Variants in IQCK observed in about 807,000 individuals in gnomAD.
IQCK encodes IQ motif containing K.
A neutral mutation model predicts 28.1 loss-of-function variants in IQCK; 29 were observed. The ratio of observed to expected loss-of-function variants is 1.03; its 90% CI spans 0.77 to 1.41. The LOEUF is 1.41. Among genes scored for constraint, IQCK ranks in the 40% most tolerant of loss-of-function variants. The probability of loss-of-function intolerance (pLI) is 0.00; values close to 1 mark genes in which losing one functional copy is unlikely to be tolerated. For synonymous variants in IQCK, 113 were observed against 115.1 expected (o/e 0.98, Z 0.12); for missense variants, 359 against 314.7 (o/e 1.14, Z -1.07).
At chr16:19,772,972 C>T (rs991750988) in intron 6 of IQCK, among the ~76,000 whole-genome samples, 1 of 152,058 alleles carries the variant, frequency 6.6e-6, no homozygotes, top group South Asian at 2.1e-4. Context: ...CGCTGCAATC[C>T]AGCCTGGGTG....
intron 1 of IQCK, 89 bp downstream of exon 1, chr16:19,718,576 C>T: frequency 8.0e-7 from 1 of 1,249,536 alleles, no homozygotes; most frequent in Admixed American, 4.1e-5. Context: ...CGCCTGTCGG[C>T]TGACGGGCGG....
intron 4 of IQCK, among the ~76,000 whole-genome samples, chr16:19,758,699 G>A (rs1020587041): frequency 2.0e-5 from 3 of 152,186 alleles, no homozygotes; most frequent in African/African-American, 7.2e-5. Flanking sequence ...GGGCAGATTA[G>A]AGGACCCCAT....
chr16:19,849,351 C>T (rs1488261339), intron 9 of IQCK, among the ~76,000 whole-genome samples: 1 of 150,970 alleles, frequency 6.6e-6, no homozygotes, highest in East Asian at 1.9e-4. Context: ...TAATTTTCTA[C>T]AGGGCAGTTA....
chr16:19,773,138 A>G (rs1427775070), intron 6 of IQCK, among the ~76,000 whole-genome samples: 2 of 152,172 alleles, frequency 1.3e-5, no homozygotes, highest in Non-Finnish European at 2.9e-5. Flanking sequence ...GCTGGGGGCC[A>G]TTCCCTACTG....
intron 6 of IQCK, among the ~76,000 whole-genome samples, chr16:19,764,780 T>G (rs985678858): frequency 6.8e-6 from 1 of 147,554 alleles, no homozygotes; most frequent in Non-Finnish European, 1.5e-5. Flanking sequence ...AAGCTCCACC[T>G]CCCGGGTTCA....
In IQCK at chr16:19,734,585, C is replaced by G. The variant is rs1391564242; in HGVS notation, c.376+758C>G. ...CGGAGGTTGCAGTGAGCTGAGATCG[C>G]ACCACTGCGTTCCAGCCTGGGTGAC... On this transcript the variant is annotated intron_variant, in intron 3 of 7. Transcript: ENST00000564186. Among the ~76,000 whole-genome samples the G allele has an allele frequency of 2.6e-5, 4 of 151,062 alleles. No homozygotes were observed. In the East Asian group the frequency reaches 7.8e-4, roughly 29 times the overall value.
chr16:19,832,390 T>G (rs1339828975), intron 9 of IQCK, among the ~76,000 whole-genome samples: 2 of 147,904 alleles, frequency 1.4e-5, no homozygotes, highest in South Asian at 4.3e-4. Flanking sequence ...CTTGGAGAGA[T>G]TGATCTGTCA....
chr16:19,725,546 G>T (rs778848498), intron 1 of IQCK, among the ~76,000 whole-genome samples: 6 of 152,158 alleles, frequency 3.9e-5, no homozygotes, highest in Non-Finnish European at 7.4e-5. Flanking sequence ...GAGCAGATAA[G>T]CACACTTTTC....
chr16:19,742,948 C>G (rs2151691741), intron 4 of IQCK, among the ~76,000 whole-genome samples: 1 of 152,234 alleles, frequency 6.6e-6, no homozygotes, highest in South Asian at 2.1e-4. Flanking sequence ...GCGGGTAGAT[C>G]ACTTGAGGTC....
At chr16:19,748,336 A>G (rs2054941397) in intron 4 of IQCK, among the ~76,000 whole-genome samples, 1 of 152,000 alleles carries the variant, frequency 6.6e-6, no homozygotes, top group African/African-American at 2.4e-5. Flanking sequence ...CTGCCTCCCA[A>G]AGTGCTGGAA....
intron 4 of IQCK, among the ~76,000 whole-genome samples, chr16:19,755,248 C>T (rs1460405874): frequency 6.6e-6 from 1 of 152,126 alleles, no homozygotes; most frequent in Non-Finnish European, 1.5e-5. Flanking sequence ...TTCTTTGTCC[C>T]TATTTTATCC....
intron 4 of IQCK, among the ~76,000 whole-genome samples, chr16:19,740,674 A>C (rs993085625): frequency 6.6e-6 from 1 of 152,190 alleles, no homozygotes; most frequent in East Asian, 1.9e-4. Flanking sequence ...GTTTTCATAC[A>C]TGTAAAGAAT....
exon 3 of IQCK, chr16:19,733,759 C>T (rs763194465): frequency 1.2e-6 from 2 of 1,614,162 alleles, no homozygotes; most frequent in South Asian, 1.1e-5. Context: ...TTTCCGGTTT[C>T]CCATTTCACC....
intron 9 of IQCK, 48 bp from the exon 9 acceptor site, chr16:19,856,439 G>A: frequency 6.6e-7 from 1 of 1,518,404 alleles, no homozygotes; most frequent in Non-Finnish European, 9.1e-7. Flanking sequence ...TGACAAGCCT[G>A]TCTACGTATG....
chr16:19,718,966 T>C (rs1023169374), intron 1 of IQCK, among the ~76,000 whole-genome samples: 37 of 152,188 alleles, frequency 2.4e-4, no homozygotes, highest in African/African-American at 8.9e-4. Flanking sequence ...GTAACCATGG[T>C]GTGGACAAAC....
At chr16:19,754,722 T>G (rs2055030063) in intron 4 of IQCK, among the ~76,000 whole-genome samples, 1 of 152,170 alleles carries the variant, frequency 6.6e-6, no homozygotes, top group Non-Finnish European at 1.5e-5. Flanking sequence ...AACCTGAATA[T>G]CCTTTTAAAA....
chr16:19,766,430 G>T (rs1364690177), intron 6 of IQCK, among the ~76,000 whole-genome samples: 1 of 152,232 alleles, frequency 6.6e-6, no homozygotes, highest in African/African-American at 2.4e-5. Flanking sequence ...CGGCCAAGCT[G>T]GTTGGTGCCC....
chr16:19,777,191 A>G (rs1029957881), intron 6 of IQCK, among the ~76,000 whole-genome samples: 5 of 150,182 alleles, frequency 3.3e-5, no homozygotes, highest in Admixed American at 6.6e-5. Context: ...CCTTGAAACA[A>G]AAAAAAAGGT....
At chr16:19,832,647 T>C (rs1014466425) in intron 9 of IQCK, among the ~76,000 whole-genome samples, 1 of 152,218 alleles carries the variant, frequency 6.6e-6, no homozygotes, top group Admixed American at 6.6e-5. Flanking sequence ...CATGATGATT[T>C]AATATTCGTA....
Sources: gnomAD v4.1 joint callset for allele counts (sites outside exome capture counted in the v4.1 genomes callset) on GRCh38, gnomAD v4.1.1 for gene constraint, MANE v1.5 for transcripts, NCBI Gene and HGNC (gene_info 2026-07-23, HGNC 2026-07-21) for gene names.